The following CRCP variants were observed in gnomAD, a reference collection of about 807,000 sequenced individuals.
CRCP encodes the protein CGRP receptor component.
CRCP carries 18 observed loss-of-function variants against 18.5 expected under a neutral mutation model. The observed-to-expected ratio is 0.97, with a 90% CI of 0.67 to 1.44. The LOEUF is 1.44. CRCP is among the 40% of genes most tolerant of loss of function. The probability of loss-of-function intolerance (pLI) is 0.00; values close to 1 mark genes in which losing one functional copy is unlikely to be tolerated. For missense variants in CRCP, 130 were observed against 176.4 expected, an observed-to-expected ratio of 0.74 and a Z score of 1.49; for synonymous variants, 53 against 62.9, an observed-to-expected ratio of 0.84 and a Z score of 0.75.
chr7:66,134,561 T>A (rs913327118), intron 4 of CRCP, 187 bp downstream of exon 4: 87 of 427,986 alleles, frequency 2.0e-4, no homozygotes, highest in Admixed American at 2.6e-4. Context: ...TTTTTTTTTT[T>A]TATAAATGAA....
At position 66,124,333 on chromosome 7, in the gene CRCP, C is replaced by T. The variant is rs79594105; in HGVS notation, c.9-3371C>T. ...CGAGATCGCACCATTGCACTCCAGC[C>T]TGGGAGACAGAGCGAGACTCCTTCT... On this transcript the variant is annotated intron_variant, in intron 1 of 5. Coordinates refer to ENST00000395326, the MANE Select transcript of CRCP (RefSeq NM_014478.5). 2.7e-3 allele frequency among the ~76,000 whole-genome samples: 406 copies of T among 152,046 alleles called. 12 individuals are homozygous for T. In the East Asian group the frequency reaches 0.072, roughly 27 times the overall value.
In CRCP at chr7:66,133,696, GT is replaced by G. The variant is rs371983195; in HGVS notation, c.145-572del. 5.0e-3 allele frequency among the ~76,000 whole-genome samples: 709 copies of G among 142,838 alleles called. 5 individuals carry two copies. Among genetic ancestry groups the G allele is most frequent in the African/African-American group, 0.014 (548 of 39,176 alleles). 93.7% of individuals were successfully genotyped at this position (142,838 alleles called of 152,430 possible). A position where few individuals can be genotyped will look rare whatever the true frequency, so the allele number is the denominator to read the frequency against. On this transcript the variant is annotated intron_variant, in intron 3 of 5. Transcript: ENST00000395326. ...ATATAACACAATTGTCAGATTGAGG[GT>G]TTTTTTTTTTTGAGATCAGAAAAGT...
At chr7:66,152,090 C>G in intron 5 of CRCP, 118 bp from the exon 6 acceptor site, 1 of 1,128,810 alleles carries the variant, frequency 8.9e-7, no homozygotes. Context: ...TCACGAGGAC[C>G]CAGGCTGTGA....
At chr7:66,130,298 G>A in intron 2 of CRCP, 1 of 209,288 alleles carries the variant, frequency 4.8e-6, no homozygotes, top group Non-Finnish European at 9.7e-6. Context: ...TAGAGATGGG[G>A]TTTCACCGTG....
chr7:66,137,605 G>A (rs1788008384), intron 4 of CRCP, among the ~76,000 whole-genome samples: 1 of 152,206 alleles, frequency 6.6e-6, no homozygotes, highest in Non-Finnish European at 1.5e-5. Context: ...CTTTTACCAG[G>A]TTTAGGAAGT....
chr7:66,123,449 CT>C (rs1787511677), intron 1 of CRCP, among the ~76,000 whole-genome samples: 1 of 152,110 alleles, frequency 6.6e-6, no homozygotes, highest in Non-Finnish European at 1.5e-5. Flanking sequence ...GTTCTAATAG[CT>C]CTAAAAAACT....
intron 1 of CRCP, among the ~76,000 whole-genome samples, chr7:66,125,191 CA>C (rs2115895521): frequency 6.7e-6 from 1 of 149,358 alleles, no homozygotes; most frequent in South Asian, 2.1e-4. Flanking sequence ...TCATGCGTCA[CA>C]TCATTGGTGC....
intron 5 of CRCP, among the ~76,000 whole-genome samples, chr7:66,149,291 ATG>A (rs1788387305): frequency 6.6e-6 from 1 of 152,166 alleles, no homozygotes. Context: ...TGAGAGGGTG[ATG>A]TGAGAGGATC....
chr7:66,136,509 T>C (rs575561784), intron 4 of CRCP, among the ~76,000 whole-genome samples: 1 of 152,152 alleles, frequency 6.6e-6, no homozygotes, highest in East Asian at 2.0e-4. Context: ...GGATTACAGG[T>C]GTGAGTCACC....
chr7:66,149,699 A>T (rs1227007949), intron 5 of CRCP, among the ~76,000 whole-genome samples: 3 of 152,206 alleles, frequency 2.0e-5, no homozygotes, highest in African/African-American at 4.8e-5. Flanking sequence ...AAGCTGCATT[A>T]AACTAAATGA....
chr7:66,131,177 T>C (rs1448212047), intron 3 of CRCP, among the ~76,000 whole-genome samples: 2 of 152,144 alleles, frequency 1.3e-5, no homozygotes, highest in Admixed American at 6.6e-5. Flanking sequence ...GGTTTCACCA[T>C]GTTAGCCAGG....
chr7:66,117,445 CTCA>C (rs1279593675), intron 1 of CRCP, among the ~76,000 whole-genome samples: 1 of 152,136 alleles, frequency 6.6e-6, no homozygotes, highest in Non-Finnish European at 1.5e-5. Context: ...TAACCTTCTT[CTCA>C]TCATCTATCC....
At chr7:66,139,559 A>C (rs1427874023) in intron 4 of CRCP, among the ~76,000 whole-genome samples, 1 of 152,176 alleles carries the variant, frequency 6.6e-6, no homozygotes, top group Admixed American at 6.5e-5. Flanking sequence ...TATATTGTTT[A>C]GACTCTGGGT....
chr7:66,121,034 C>CATAATAATAATAATA (rs10607378), intron 1 of CRCP, among the ~76,000 whole-genome samples: 5 of 145,374 alleles, frequency 3.4e-5, no homozygotes, highest in African/African-American at 1.3e-4. Flanking sequence ...GTAACTAATA[C>CATAATAATAATAATA]ATAATAATAA....
chr7:66,147,350 A>G (rs1788328709), intron 5 of CRCP, among the ~76,000 whole-genome samples: 2 of 151,742 alleles, frequency 1.3e-5, no homozygotes, highest in South Asian at 4.2e-4. Context: ...GGAAAAAAAA[A>G]AAAAAAGAGT....
In CRCP at chr7:66,152,361, A is replaced by C; in HGVS notation, c.*4A>C. On this transcript the variant is annotated 3_prime_UTR_variant, in exon 6 of 6. Transcript: ENST00000395326. Reference sequence around the variant, plus strand: ...GGACGAAGAGGACCCAGCATAGAAGAGCACAGCTGGCCCCGGCGTTTCATG... The same window carrying C: ...GGACGAAGAGGACCCAGCATAGAAGCGCACAGCTGGCCCCGGCGTTTCATG... 6.2e-7 allele frequency: 1 copy of C among 1,613,866 alleles called. No individual in the cohort carries two copies. Among genetic ancestry groups the C allele is most frequent in the Non-Finnish European group, 8.5e-7 (1 of 1,179,952 alleles).
intron 2 of CRCP, chr7:66,130,123 T>G (rs1024978449): frequency 3.1e-6 from 1 of 318,554 alleles, no homozygotes; most frequent in Non-Finnish European, 5.9e-6. Flanking sequence ...TTTTTTTTTT[T>G]CAGATGGAGT....
rs553124152 is a variant in CRCP at position 66,118,265 on chromosome 7, C to A, written c.8+3295C>A. On this transcript the variant is annotated intron_variant, in intron 1 of 5. Coordinates refer to ENST00000395326, the MANE Select transcript of CRCP (RefSeq NM_014478.5). ...TGCTGGGATTACAGGCGTGAGCCAC[C>A]ACACCTGGCCACCTGTTCTTGAAGG... 3.0e-4 allele frequency among the ~76,000 whole-genome samples: 45 copies of A among 152,354 alleles called. No individual in the cohort carries two copies. The South Asian group carries it at 9.3e-3, about 32-fold the overall frequency.
At chr7:66,149,980 G>A (rs879510295) in intron 5 of CRCP, among the ~76,000 whole-genome samples, 5 of 151,976 alleles carry the variant, frequency 3.3e-5, no homozygotes, top group Non-Finnish European at 7.4e-5. Context: ...CTAATTTTTT[G>A]TATTTTTAGT....
Sources: gnomAD v4.1 joint callset for allele counts (sites outside exome capture counted in the v4.1 genomes callset) on GRCh38, gnomAD v4.1.1 for gene constraint, MANE v1.5 for transcripts, NCBI Gene and HGNC (gene_info 2026-07-23, HGNC 2026-07-21) for gene names.